The following NLGN4X variants were observed in gnomAD, a reference collection of about 807,000 sequenced individuals.
NLGN4X encodes neuroligin 4 X-linked, also known as neuroligin-4, X-linked.
A neutral mutation model predicts 40.3 loss-of-function variants in NLGN4X; 3 were observed. The observed-to-expected ratio is 0.07, with a 90% CI of 0.03 to 0.19. NLGN4X has a LOEUF of 0.19. Among genes scored for constraint, NLGN4X ranks in the 10% least tolerant of loss-of-function variants. The probability of loss-of-function intolerance (pLI) is 1.00; values close to 1 mark genes in which losing one functional copy is unlikely to be tolerated. For synonymous variants in NLGN4X, 270 were observed against 306.8 expected, an observed-to-expected ratio of 0.88 and a Z score of 1.25; for missense variants, 382 against 708.3, an observed-to-expected ratio of 0.54 and a Z score of 5.23.
rs1569190248 is a variant in NLGN4X at position 6,021,077 on chromosome X, C to CTCTCTCTCTCTCTCT, written c.625+8202_625+8203insAGAGAGAGAGAGAGA. Reference sequence around the variant, plus strand: ...CCCTCCCTCCCTCCCTCCCTCCCTCCCTCTCTCTCTCTCTCCCCCTCTCCC... The same window carrying CTCTCTCTCTCTCTCT: ...CCCTCCCTCCCTCCCTCCCTCCCTCCTCTCTCTCTCTCTCTCTCTCTCTCTCTCTCCCCCTCTCCC... On this transcript the variant is annotated intron_variant, in intron 3 of 5. Transcript: ENST00000381095. 2.3e-3 allele frequency among the ~76,000 whole-genome samples: 52 copies of CTCTCTCTCTCTCTCT among 22,154 alleles called. 3 individuals carry two copies. The highest frequency in any genetic ancestry group is 9.6e-3 in the African/African-American group (47 of 4,886). The allele number at this position is 22,154 out of a possible 115,157, so 19.2% of individuals were successfully genotyped here. A position where few individuals can be genotyped will look rare whatever the true frequency, so the allele number is the denominator to read the frequency against.
chrX:6,219,358 CCTT>C (rs1380260678), intron 1 of NLGN4X, among the ~76,000 whole-genome samples: 1 of 97,430 alleles, frequency 1.0e-5, no homozygotes, highest in African/African-American at 3.9e-5. Context: ...CTCCTTCCTT[CCTT>C]CTTTTTCTCT....
At chrX:6,063,222 C>A (rs2037816101) in intron 2 of NLGN4X, among the ~76,000 whole-genome samples, 2 of 111,873 alleles carry the variant, frequency 1.8e-5, no homozygotes. Context: ...TGTCTGTGAT[C>A]CTAGTAATTT....
At chrX:5,931,004 T>G (rs781199443) in intron 3 of NLGN4X, among the ~76,000 whole-genome samples, 1 of 111,736 alleles carries the variant, frequency 8.9e-6, no homozygotes, top group Admixed American at 9.5e-5. Context: ...GGGACTCTCA[T>G]GGCAGTAAAT....
chrX:5,897,082 C>A (rs2031535269), intron 5 of NLGN4X, among the ~76,000 whole-genome samples: 1 of 111,913 alleles, frequency 8.9e-6, no homozygotes, highest in Admixed American at 9.5e-5. Context: ...AAACCCCAGA[C>A]TCGATGGAAC....
At chrX:5,916,748 C>T (rs2032813507) in intron 3 of NLGN4X, among the ~76,000 whole-genome samples, 1 of 112,022 alleles carries the variant, frequency 8.9e-6, no homozygotes, top group Non-Finnish European at 1.9e-5. Context: ...TGCGTCCAGC[C>T]CATTTGTTTT....
rs2034256331 is a variant in NLGN4X at position 5,950,016 on chromosome X, G to A, written c.626-40777C>T. Among the ~76,000 whole-genome samples, 6 of 111,943 alleles carry A rather than the reference G, an allele frequency of 5.4e-5. No individual in the cohort carries two copies. The South Asian group carries it at 2.2e-3, about 42-fold the overall frequency. On this transcript the variant is annotated intron_variant, in intron 3 of 5. Transcript: ENST00000381095. ...AAAAACGGCTTAGCAAATCAGACGG[G>A]TTTGGGACCTGAAGGCCATGTGTAG...
At chrX:6,184,509 C>A (rs981261072) in intron 1 of NLGN4X, among the ~76,000 whole-genome samples, 2 of 102,021 alleles carry the variant, frequency 2.0e-5, no homozygotes, top group Non-Finnish European at 3.9e-5. Flanking sequence ...TTATATTTTT[C>A]TGTACATATA....
At chrX:5,963,048 A>G (rs1162292592) in intron 3 of NLGN4X, among the ~76,000 whole-genome samples, 3 of 109,065 alleles carry the variant, frequency 2.8e-5, no homozygotes, top group Admixed American at 9.9e-5. Flanking sequence ...ATGCAGAAGC[A>G]GCTCTGGAAC....
intron 3 of NLGN4X, among the ~76,000 whole-genome samples, chrX:5,986,131 T>TA (rs1420158997): frequency 2.7e-5 from 3 of 112,353 alleles, no homozygotes; most frequent in African/African-American, 9.7e-5. Context: ...GTGAACAACA[T>TA]ACTTCAACAG....
At chrX:6,159,018 A>G (rs2040330705) in intron 1 of NLGN4X, among the ~76,000 whole-genome samples, 1 of 112,771 alleles carries the variant, frequency 8.9e-6, no homozygotes, top group African/African-American at 3.2e-5. Flanking sequence ...ATGTTGGCAT[A>G]TTAAAACAGA....
chrX:6,082,100 T>C (rs2038363126), intron 2 of NLGN4X, among the ~76,000 whole-genome samples: 1 of 112,387 alleles, frequency 8.9e-6, no homozygotes, highest in South Asian at 3.7e-4. Flanking sequence ...ATCCCCTATT[T>C]TTTACCTAAA....
chrX:5,903,024 G>A, intron 5 of NLGN4X, 53 bp downstream of exon 5: 1 of 1,189,868 alleles, frequency 8.4e-7, no homozygotes, highest in Non-Finnish European at 1.1e-6. Context: ...CCTATATTGA[G>A]GACACAAACA....
At chrX:5,999,208 C>A (rs781711560) in intron 3 of NLGN4X, among the ~76,000 whole-genome samples, 1 of 111,598 alleles carries the variant, frequency 9.0e-6, no homozygotes, top group South Asian at 3.8e-4. Context: ...CCATTTTTTT[C>A]TTTCTACTGT....
intron 3 of NLGN4X, among the ~76,000 whole-genome samples, chrX:5,974,705 G>A (rs6639554): frequency 0.014 from 1,570 of 111,405 alleles, 26 homozygotes; most frequent in African/African-American, 0.049. Context: ...CACGTACCAA[G>A]ACCTGTAGTG....
At chrX:5,947,498 A>T (rs748326930) in intron 3 of NLGN4X, among the ~76,000 whole-genome samples, 10 of 112,088 alleles carry the variant, frequency 8.9e-5, no homozygotes, top group Admixed American at 3.8e-4. Context: ...TTAAAAATTC[A>T]CAGGGATAAA....
chrX:5,960,576 T>C (rs1320128359), intron 3 of NLGN4X, among the ~76,000 whole-genome samples: 6 of 111,965 alleles, frequency 5.4e-5, no homozygotes, highest in Admixed American at 4.8e-4. Context: ...TTTTATGCTG[T>C]TTTCTCTTAC....
chrX:6,062,817 T>C (rs1405038616), intron 2 of NLGN4X, among the ~76,000 whole-genome samples: 1 of 111,279 alleles, frequency 9.0e-6, no homozygotes, highest in African/African-American at 3.3e-5. Context: ...GCTATGATTG[T>C]AAGGCCTCCC....
At chrX:6,067,975 G>C (rs1007341836) in intron 2 of NLGN4X, among the ~76,000 whole-genome samples, 2 of 111,236 alleles carry the variant, frequency 1.8e-5, no homozygotes, top group Non-Finnish European at 3.8e-5. Flanking sequence ...AGGCATTATA[G>C]CATTCTGCCT....
rs1447922104 is a variant in NLGN4X, at chrX:5,902,940, GTGTGTATGTGTGTGCATGCA to G, written c.1601+117_1601+136del. On this transcript the variant is annotated intron_variant, in intron 5 of 5. Transcript: ENST00000381095. ...CTGCTGTGTGTGTAAGCGTGTGTCT[GTGTGTATGTGTGTGCATGCA>G]TGTGTATGTGTGTGTATGCGTGTGT... 7.9e-5 allele frequency: 54 copies of G among 680,927 alleles called. No individual in the cohort carries two copies. In the East Asian group the frequency reaches 1.7e-3, roughly 21 times the overall value. 56.1% of individuals were successfully genotyped at this position (680,927 alleles called of 1,213,427 possible).
Sources: gnomAD v4.1 joint callset for allele counts (sites outside exome capture counted in the v4.1 genomes callset) on GRCh38, gnomAD v4.1.1 for gene constraint, MANE v1.5 for transcripts, NCBI Gene and HGNC (gene_info 2026-07-23, HGNC 2026-07-21) for gene names.